Variants in SGCZ observed in about 807,000 individuals in gnomAD.
The protein encoded by SGCZ is sarcoglycan zeta.
A neutral mutation model predicts 41.3 loss-of-function variants in SGCZ; 40 were observed. The ratio of observed to expected loss-of-function variants is 0.97; its 90% CI spans 0.75 to 1.26. The LOEUF is 1.26. SGCZ is among the 50% of genes most tolerant of loss of function. The pLI, the probability that SGCZ is intolerant of heterozygous loss-of-function variation, is 0.00. For missense variants in SGCZ, 552 were observed against 369.8 expected (o/e 1.49, Z -4.04); for synonymous variants, 206 against 137.5 (o/e 1.50, Z -3.49).
chr8:15,174,293 A>G (rs1799935719), intron 1 of SGCZ, among the ~76,000 whole-genome samples: 1 of 152,224 alleles, frequency 6.6e-6, no homozygotes, highest in Admixed American at 6.5e-5. Flanking sequence ...AATATATTAC[A>G]GCTTATGTAC....
At chr8:15,003,239 G>A (rs1351140742) in intron 1 of SGCZ, among the ~76,000 whole-genome samples, 1 of 152,174 alleles carries the variant, frequency 6.6e-6, no homozygotes, top group Non-Finnish European at 1.5e-5. Context: ...TATATAGGGA[G>A]AAACAGTATG....
At chr8:14,536,087 A>C (rs896907190) in intron 2 of SGCZ, among the ~76,000 whole-genome samples, 1 of 151,926 alleles carries the variant, frequency 6.6e-6, no homozygotes, top group South Asian at 2.1e-4. Context: ...TTCAAAATAA[A>C]CACTAAGTCT....
intron 2 of SGCZ, among the ~76,000 whole-genome samples, chr8:14,505,202 AG>A (rs1802269679): frequency 6.6e-6 from 1 of 152,114 alleles, no homozygotes; most frequent in Non-Finnish European, 1.5e-5. Context: ...GAGTTATTAA[AG>A]GTTCTTAAGT....
intron 1 of SGCZ, among the ~76,000 whole-genome samples, chr8:14,679,746 G>GTAA (rs1808384183): frequency 6.6e-6 from 1 of 151,940 alleles, no homozygotes; most frequent in Non-Finnish European, 1.5e-5. Context: ...ATAGTGCATA[G>GTAA]TAATGTCTTA....
intron 1 of SGCZ, among the ~76,000 whole-genome samples, chr8:14,693,857 G>T (rs372002355): frequency 2.6e-5 from 4 of 152,186 alleles, no homozygotes; most frequent in East Asian, 3.9e-4. Context: ...CTCCCAAAGT[G>T]CTGGGATTAT....
chr8:14,659,763 T>C (rs1159970432), intron 1 of SGCZ, among the ~76,000 whole-genome samples: 1 of 152,194 alleles, frequency 6.6e-6, no homozygotes, highest in Non-Finnish European at 1.5e-5. Flanking sequence ...CTCCCAGCAA[T>C]GTACATGTTG....
chr8:14,903,483 G>A (rs1799033055), intron 1 of SGCZ, among the ~76,000 whole-genome samples: 1 of 152,034 alleles, frequency 6.6e-6, no homozygotes, highest in African/African-American at 2.4e-5. Context: ...TGGGTTATCT[G>A]GGTTACTGTT....
At chr8:14,722,054 C>T (rs2130188073) in intron 1 of SGCZ, among the ~76,000 whole-genome samples, 1 of 152,252 alleles carries the variant, frequency 6.6e-6, no homozygotes, top group East Asian at 1.9e-4. Flanking sequence ...CAGTAGTGTT[C>T]CCTGGTCAAA....
intron 1 of SGCZ, among the ~76,000 whole-genome samples, chr8:15,215,313 T>C (rs933742543): frequency 5.9e-5 from 9 of 152,222 alleles, no homozygotes; most frequent in African/African-American, 2.2e-4. Context: ...ACGTTTTTCC[T>C]AAAATGCACT....
At position 15,198,107 on chromosome 8, in the gene SGCZ, G is replaced by C. The variant is rs561080889; in HGVS notation, c.39+39478C>G. On this transcript the variant is annotated intron_variant, in intron 1 of 7. Transcript: ENST00000382080. ...ATATGTATTATGATTTATAATTAATGATATAATTATGTGTCAAGAAAGAGA... is the reference window on the plus strand; with the variant it reads ...ATATGTATTATGATTTATAATTAATCATATAATTATGTGTCAAGAAAGAGA... Among the ~76,000 whole-genome samples the C allele has an allele frequency of 1.0e-3, 154 of 149,058 alleles. 1 individual carries two copies. Among genetic ancestry groups the C allele is most frequent in the Non-Finnish European group, 1.3e-3 (87 of 67,412 alleles).
chr8:14,607,341 T>C (rs114046115), intron 1 of SGCZ, among the ~76,000 whole-genome samples: 3,867 of 152,274 alleles, frequency 0.025, 92 homozygotes, highest in African/African-American at 0.064. Context: ...ATCACTGAAT[T>C]ACGATCATCA....
chr8:14,479,805 G>A (rs561656422), intron 2 of SGCZ, among the ~76,000 whole-genome samples: 1 of 139,416 alleles, frequency 7.2e-6, no homozygotes, highest in Non-Finnish European at 1.5e-5. Flanking sequence ...GAGTGCAATC[G>A]CATGATCTCG....
At chr8:14,982,475 T>C (rs1442491940) in intron 1 of SGCZ, among the ~76,000 whole-genome samples, 2 of 152,236 alleles carry the variant, frequency 1.3e-5, no homozygotes, top group East Asian at 3.9e-4. Flanking sequence ...CAATGGGCTT[T>C]GGAGTCAACT....
chr8:14,777,807 G>C (rs1800457958), intron 1 of SGCZ, among the ~76,000 whole-genome samples: 2 of 151,448 alleles, frequency 1.3e-5, no homozygotes, highest in African/African-American at 4.9e-5. Flanking sequence ...AATAAAGCCA[G>C]TGTGGCAAAA....
At chr8:14,459,680 T>G (rs911376092) in intron 2 of SGCZ, among the ~76,000 whole-genome samples, 22 of 152,232 alleles carry the variant, frequency 1.4e-4, no homozygotes, top group African/African-American at 5.3e-4. Context: ...AAGGAAGTAA[T>G]GATGCTTAAC....
At chr8:14,228,769 A>T (rs1183570043) in intron 4 of SGCZ, among the ~76,000 whole-genome samples, 6 of 152,114 alleles carry the variant, frequency 3.9e-5, no homozygotes, top group Non-Finnish European at 8.8e-5. Flanking sequence ...CAAGACTAGA[A>T]TTACTTTAAC....
chr8:14,121,355 A>C (rs1802690391), intron 5 of SGCZ, among the ~76,000 whole-genome samples: 1 of 152,122 alleles, frequency 6.6e-6, no homozygotes, highest in Non-Finnish European at 1.5e-5. Flanking sequence ...CTCATAGCAA[A>C]TTGATGCCGT....
chr8:14,443,004 T>A (rs1423986966), intron 2 of SGCZ, among the ~76,000 whole-genome samples: 1 of 152,120 alleles, frequency 6.6e-6, no homozygotes, highest in African/African-American at 2.4e-5. Flanking sequence ...CAAGCATTCT[T>A]ATAAACCAAT....
intron 1 of SGCZ, among the ~76,000 whole-genome samples, chr8:14,706,922 T>C (rs536611961): frequency 6.6e-6 from 1 of 151,978 alleles, no homozygotes; most frequent in South Asian, 2.1e-4. Context: ...GAAATTCTTA[T>C]TATTTAGAAG....
Sources: allele counts gnomAD v4.1 joint callset (sites outside exome capture counted in the v4.1 genomes callset), GRCh38; gene constraint gnomAD v4.1.1; transcripts MANE v1.5; gene names NCBI Gene and HGNC (gene_info 2026-07-23, HGNC 2026-07-21).